Variants in CYB5R4 observed in about 807,000 individuals in gnomAD.
CYB5R4 encodes the protein cytochrome b5 reductase 4.
CYB5R4 carries 55 observed loss-of-function variants against 70.2 expected under a neutral mutation model. That is an observed-to-expected ratio of 0.78 (90% confidence interval 0.63 to 0.98). CYB5R4 has a LOEUF of 0.98. CYB5R4 is among the 50% of genes least tolerant of loss of function. The probability of loss-of-function intolerance (pLI) is 0.00; values close to 1 mark genes in which losing one functional copy is unlikely to be tolerated. For synonymous variants in CYB5R4, 197 were observed against 199.5 expected (o/e 0.99, Z 0.11); for missense variants, 562 against 612.6 (o/e 0.92, Z 0.87).
Position 83,899,882 on chromosome 6 carries a change from G to T in CYB5R4, c.330+6260G>T, listed in dbSNP as rs565680449. Among the ~76,000 whole-genome samples, 10 of 152,018 alleles carry T rather than the reference G, an allele frequency of 6.6e-5. 1 individual carries two copies. The highest frequency in any genetic ancestry group is 5.2e-4 in the Admixed American group (8 of 15,278). On this transcript the variant is annotated intron_variant, in intron 3 of 15. Coordinates refer to ENST00000369681, the MANE Select transcript of CYB5R4 (RefSeq NM_016230.4). ...TTCTTCTTTAGTAGTCTTGCTAGGG[G>T]TCTATCAATTTTGTTGATCTTTTCA... is the stretch of plus-strand genomic sequence containing the variant.
chr6:83,872,370 C>T (rs61761495), intron 2 of CYB5R4, among the ~76,000 whole-genome samples: 4,486 of 152,220 alleles, frequency 0.029, 200 homozygotes, highest in African/African-American at 0.1. Context: ...GAGGTAGGTC[C>T]TCCATTTCAC....
chr6:83,891,753 G>A (rs2099461151), intron 2 of CYB5R4, among the ~76,000 whole-genome samples: 1 of 152,198 alleles, frequency 6.6e-6, no homozygotes, highest in South Asian at 2.1e-4. Flanking sequence ...AGATAAGATT[G>A]TGACAGTATA....
At chr6:83,937,014 C>T (rs2099469019) in intron 12 of CYB5R4, among the ~76,000 whole-genome samples, 1 of 152,224 alleles carries the variant, frequency 6.6e-6, no homozygotes, top group South Asian at 2.1e-4. Flanking sequence ...GTGGCTCACG[C>T]CTGTAATCCC....
chr6:83,871,762 T>G (rs777444439), intron 2 of CYB5R4, among the ~76,000 whole-genome samples: 13 of 152,184 alleles, frequency 8.5e-5, no homozygotes, highest in Non-Finnish European at 1.6e-4. Flanking sequence ...ATTTAATATA[T>G]TGGCATATAG....
In CYB5R4 at chr6:83,965,823, C is replaced by A. The variant is rs1208311387; in HGVS notation, c.*5945C>A. ...ATAATTTGAATCATGGGGGTGGTTT[C>A]CCCCATACTGTTCTCATGGTAGAGA... is the stretch of plus-strand genomic sequence containing the variant. On this transcript the variant is annotated 3_prime_UTR_variant, in exon 16 of 16. Transcript: ENST00000369681. The A allele has an allele frequency of 6.6e-6, 1 of 152,048 alleles. No homozygotes were observed. The highest frequency in any genetic ancestry group is 2.4e-5 in the African/African-American group (1 of 41,402). The allele number at this position is 152,048 out of a possible 1,614,324, so 9.4% of individuals were successfully genotyped here. A position where few individuals can be genotyped will look rare whatever the true frequency, so the allele number is the denominator to read the frequency against.
chr6:83,910,876 T>A (rs560334287), intron 4 of CYB5R4, among the ~76,000 whole-genome samples: 14 of 152,210 alleles, frequency 9.2e-5, no homozygotes, highest in Non-Finnish European at 1.8e-4. Flanking sequence ...AATACTCTGG[T>A]ATTTTTAAAG....
At chr6:83,875,285 TG>T (rs1431370469) in intron 2 of CYB5R4, among the ~76,000 whole-genome samples, 36 of 152,330 alleles carry the variant, frequency 2.4e-4, no homozygotes, top group African/African-American at 5.3e-4. Flanking sequence ...AAAATTTTAA[TG>T]TTTTTTTAGA....
chr6:83,878,005 C>T (rs994281141), intron 2 of CYB5R4, among the ~76,000 whole-genome samples: 31 of 152,136 alleles, frequency 2.0e-4, no homozygotes, highest in African/African-American at 7.2e-4. Context: ...TGTATTATCT[C>T]ACTCTTTCCT....
chr6:83,880,890 A>G (rs1156287184), intron 2 of CYB5R4, among the ~76,000 whole-genome samples: 1 of 152,200 alleles, frequency 6.6e-6, no homozygotes, highest in Non-Finnish European at 1.5e-5. Flanking sequence ...AGAATCCTAC[A>G]GTCATCTGCA....
intron 9 of CYB5R4, among the ~76,000 whole-genome samples, chr6:83,922,752 C>T (rs1459052611): frequency 2.0e-5 from 3 of 151,990 alleles, no homozygotes; most frequent in Admixed American, 6.6e-5. Context: ...ATACCCCTCC[C>T]TCTGGTTTTG....
At chr6:83,939,939 T>G in intron 12 of CYB5R4, 117 bp from the exon 13 acceptor site, 2 of 662,108 alleles carry the variant, frequency 3.0e-6, no homozygotes, top group East Asian at 2.6e-5. Context: ...GTATTTATAC[T>G]GTTACTCCTC....
In CYB5R4 at chr6:83,932,093, A is replaced by G. The variant is rs200957455; in HGVS notation, c.815-2502A>G. Among the ~76,000 whole-genome samples, 6 of 152,038 alleles carry G rather than the reference A, an allele frequency of 3.9e-5. No individual in the cohort carries two copies. In the East Asian group the frequency reaches 9.7e-4, roughly 25 times the overall value. On this transcript the variant is annotated intron_variant, in intron 10 of 15. Coordinates refer to ENST00000369681, the MANE Select transcript of CYB5R4 (RefSeq NM_016230.4). Reference sequence around the variant, plus strand: ...GTGATAGTTTGCTGAGAATGATGGTATACTTCTTTTTTCTTATCTTATATA... The same window carrying G: ...GTGATAGTTTGCTGAGAATGATGGTGTACTTCTTTTTTCTTATCTTATATA...
chr6:83,879,903 G>A (rs1221813722), intron 2 of CYB5R4, among the ~76,000 whole-genome samples: 5 of 152,094 alleles, frequency 3.3e-5, no homozygotes, highest in Admixed American at 3.3e-4. Context: ...TCTGTGCTCT[G>A]CTGAAGCTGA....
rs1257798568 is a variant in CYB5R4, at chr6:83,962,372, G to A, written c.*2494G>A. 6.6e-6 allele frequency: 1 copy of A among 152,208 alleles called. No homozygotes were observed. The highest frequency in any genetic ancestry group is 1.5e-5 in the Non-Finnish European group (1 of 68,040). The allele number at this position is 152,208 out of a possible 1,614,324, so 9.4% of individuals were successfully genotyped here. On this transcript the variant is annotated 3_prime_UTR_variant, in exon 16 of 16. Transcript: ENST00000369681. ...ATGCAACCAAATACTGAGGAGCACA[G>A]ATAGGAGTATAGTTTATCACTGTTA...
Position 83,964,086 on chromosome 6 carries a change from C to T in CYB5R4, c.*4208C>T, listed in dbSNP as rs192919920. On this transcript the variant is annotated 3_prime_UTR_variant, in exon 16 of 16. Coordinates refer to ENST00000369681, the MANE Select transcript of CYB5R4 (RefSeq NM_016230.4). ...CCCTTTTTTTCCCCAGTCTCAGGTACGTCTTTTATCAGCAGCGTGAAAATG... is the reference window on the plus strand; with the variant it reads ...CCCTTTTTTTCCCCAGTCTCAGGTATGTCTTTTATCAGCAGCGTGAAAATG... 18 of 179,190 alleles carry T rather than the reference C, an allele frequency of 1.0e-4. No individual in the cohort carries two copies. Among genetic ancestry groups the T allele is most frequent in the Admixed American group, 1.9e-4 (3 of 16,176 alleles). 11.1% of individuals were successfully genotyped at this position (179,190 alleles called of 1,614,324 possible). A position where few individuals can be genotyped will look rare whatever the true frequency, so the allele number is the denominator to read the frequency against.
At chr6:83,874,141 TTCCCC>T (rs1562827326) in intron 2 of CYB5R4, among the ~76,000 whole-genome samples, 1 of 9,182 alleles carries the variant, frequency 1.1e-4, no homozygotes, top group Non-Finnish European at 2.0e-4. Context: ...CTCCCCTCCC[TTCCCC>T]TCCCCTCCCT....
At chr6:83,895,038 T>C (rs993249573) in intron 3 of CYB5R4, among the ~76,000 whole-genome samples, 9 of 152,218 alleles carry the variant, frequency 5.9e-5, no homozygotes, top group African/African-American at 1.7e-4. Flanking sequence ...ATGTTCTTCC[T>C]GGGTTGGAGA....
At chr6:83,920,708 T>C (rs1387519008) in intron 7 of CYB5R4, among the ~76,000 whole-genome samples, 1 of 129,988 alleles carries the variant, frequency 7.7e-6, no homozygotes, top group Non-Finnish European at 1.6e-5. Context: ...ACAACAAATA[T>C]CTTGGTTTCT....
At chr6:83,877,386 T>C (rs2099458738) in intron 2 of CYB5R4, among the ~76,000 whole-genome samples, 1 of 152,166 alleles carries the variant, frequency 6.6e-6, no homozygotes, top group African/African-American at 2.4e-5. Flanking sequence ...AAGGAATGCC[T>C]GAGGCTGGGT....
Sources: allele counts gnomAD v4.1 joint callset (sites outside exome capture counted in the v4.1 genomes callset), GRCh38; gene constraint gnomAD v4.1.1; transcripts MANE v1.5; gene names NCBI Gene and HGNC (gene_info 2026-07-23, HGNC 2026-07-21).